Variants in TMEM14B observed in about 807,000 individuals in gnomAD.
The protein encoded by TMEM14B is transmembrane protein 14B.
A neutral mutation model predicts 14.8 loss-of-function variants in TMEM14B; 9 were observed. That is an observed-to-expected ratio of 0.61 (90% confidence interval 0.37 to 1.06). The LOEUF is 1.06. Among genes scored for constraint, TMEM14B ranks in the 50% least tolerant of loss-of-function variants. The probability of loss-of-function intolerance (pLI) is 0.01; values close to 1 mark genes in which losing one functional copy is unlikely to be tolerated. For synonymous variants in TMEM14B, 40 were observed against 51.3 expected, an observed-to-expected ratio of 0.78 and a Z score of 0.94; for missense variants, 128 against 143.6, an observed-to-expected ratio of 0.89 and a Z score of 0.56.
At chr6:10,749,140 T>C in intron 1 of TMEM14B, 62 bp from the exon 2 acceptor site, 1 of 1,177,128 alleles carries the variant, frequency 8.5e-7, no homozygotes, top group Non-Finnish European at 1.3e-6. Context: ...TTGGACACAC[T>C]TCTTTCTGAC....
intron 5 of TMEM14B, chr6:10,755,453 T>C: frequency 6.9e-7 from 1 of 1,444,218 alleles, no homozygotes; most frequent in East Asian, 2.5e-5. Context: ...TGTTCTCTGG[T>C]CCTAGCTCCT....
At chr6:10,752,202 C>T (rs1035249116) in intron 4 of TMEM14B, among the ~76,000 whole-genome samples, 1 of 151,986 alleles carries the variant, frequency 6.6e-6, no homozygotes, top group Non-Finnish European at 1.5e-5. Flanking sequence ...TGACCTCACA[C>T]CTATTGTAGA....
downstream of TMEM14B, chr6:10,757,068 A>T (rs1771833478): frequency 1.2e-6 from 1 of 863,498 alleles, no homozygotes. Flanking sequence ...TATTTTGTTG[A>T]TATTTAGAAA....
intron 4 of TMEM14B, 80 bp from the exon 5 acceptor site, chr6:10,755,062 G>T: frequency 6.8e-7 from 1 of 1,463,298 alleles, no homozygotes; most frequent in South Asian, 1.2e-5. Flanking sequence ...AGCCTTGAGA[G>T]ATTGGTGGGG....
chr6:10,753,033 G>A (rs1771653578), intron 4 of TMEM14B: 1 of 151,996 alleles, frequency 6.6e-6, no homozygotes. Context: ...GTCGGGAGTT[G>A]GAGACCAGTC....
At chr6:10,753,966 A>G (rs1307733329) in intron 4 of TMEM14B, among the ~76,000 whole-genome samples, 2 of 152,128 alleles carry the variant, frequency 1.3e-5, no homozygotes, top group Non-Finnish European at 2.9e-5. Flanking sequence ...GTATAGCTAG[A>G]ATTACGCTTT....
intron 2 of TMEM14B, 22 bp from the exon 3 acceptor site, chr6:10,749,600 C>T: frequency 6.2e-7 from 1 of 1,613,944 alleles, no homozygotes; most frequent in Non-Finnish European, 8.5e-7. Context: ...TGACTTCTCA[C>T]TGACTTCTCT....
intron 4 of TMEM14B, 134 bp from the exon 5 acceptor site, chr6:10,755,008 C>T (rs1011122656): frequency 5.4e-6 from 5 of 929,502 alleles, no homozygotes; most frequent in Middle Eastern, 3.4e-4. Flanking sequence ...AGCTAGTAAT[C>T]TCCCCTACTT....
chr6:10,755,626 A>G (rs975680716), intron 5 of TMEM14B: 66 of 1,210,518 alleles, frequency 5.5e-5, no homozygotes, highest in Non-Finnish European at 6.7e-5. Flanking sequence ...TCTAATTTTG[A>G]TTATAATACC....
chr6:10,752,377 T>C (rs1422293511), intron 4 of TMEM14B, among the ~76,000 whole-genome samples: 2 of 151,952 alleles, frequency 1.3e-5, no homozygotes, highest in East Asian at 3.9e-4. Context: ...CTGTCTTGTA[T>C]TTGTATTCCT....
At chr6:10,751,070 T>C (rs1281545198) in intron 3 of TMEM14B, 63 bp from the exon 4 acceptor site, 1 of 1,599,680 alleles carries the variant, frequency 6.3e-7, no homozygotes, top group African/African-American at 1.3e-5. Flanking sequence ...GGAGGTCTGG[T>C]GGATTCCGTT....
intron 4 of TMEM14B, chr6:10,753,056 A>G (rs1771653921): frequency 6.6e-6 from 1 of 151,984 alleles, no homozygotes; most frequent in African/African-American, 2.4e-5. Context: ...ACCAACTTGG[A>G]GAAAGCCCCA....
In TMEM14B at chr6:10,751,156, G is replaced by A. The variant is rs17849403; in HGVS notation, c.124G>A (p.Gly42Arg). Reference protein sequence around the residue: ...KTGSVPSLAAGLLFGSLAGLG... With the variant: ...KTGSVPSLAARLLFGSLAGLG... The stretch of plus-strand genomic sequence containing the variant: ...AGGCAGCGTGCCGTCCCTGGCTGCA[G>A]GGCTGCTCTTCGGCAGTCTAGCCGG... Residue 42 changes from glycine to arginine, a missense_variant, in exon 4 of 6, where the codon GGG becomes AGG. Transcript: ENST00000379542. 2 of 1,613,792 alleles carry A rather than the reference G, an allele frequency of 1.2e-6. No individual in the cohort carries two copies. Among genetic ancestry groups the A allele is most frequent in the Non-Finnish European group, 1.7e-6 (2 of 1,180,024 alleles).
chr6:10,749,655 A>G lies in TMEM14B; in HGVS notation c.57A>G (p.Thr19=). 4.3e-6 allele frequency: 7 copies of G among 1,614,250 alleles called. No homozygotes were observed. Among genetic ancestry groups the G allele is most frequent in the Non-Finnish European group, 5.9e-6 (7 of 1,180,044 alleles). Reference sequence around the variant, plus strand: ...TGCATTGGTTTGGCTTTGGCTACACAGCACTGGTTGTTTCTGGTGGGATCG... The same window carrying G: ...TGCATTGGTTTGGCTTTGGCTACACGGCACTGGTTGTTTCTGGTGGGATCG... ...VPLHWFGFGY[T]ALVVSGGIVG... is the part of the protein sequence containing the mutation. Residue 19 remains threonine, a synonymous_variant, in exon 3 of 6, where the codon ACA becomes ACG. Transcript: ENST00000379542.
downstream of TMEM14B, chr6:10,759,629 G>A (rs1225263557): frequency 6.6e-6 from 1 of 152,188 alleles, no homozygotes; most frequent in African/African-American, 2.4e-5. Flanking sequence ...AACTTGTTCT[G>A]TAAAGGGCCA....
chr6:10,759,167 T>TC, downstream of TMEM14B: 1 of 153,302 alleles, frequency 6.5e-6, no homozygotes, highest in Non-Finnish European at 1.5e-5. Flanking sequence ...TCCACCTGTC[T>TC]TGCCTCCCAA....
downstream of TMEM14B, among the ~76,000 whole-genome samples, chr6:10,757,684 T>C (rs1405020173): frequency 2.0e-5 from 3 of 152,156 alleles, no homozygotes; most frequent in Non-Finnish European, 4.4e-5. Context: ...GTTTTAGTTT[T>C]CATTCCCTCT....
chr6:10,750,235 C>T (rs892190012), intron 3 of TMEM14B, among the ~76,000 whole-genome samples: 2 of 151,734 alleles, frequency 1.3e-5, no homozygotes, highest in African/African-American at 4.9e-5. Flanking sequence ...GAGGTCCTGC[C>T]TGTACACAAT....
chr6:10,755,504 G>A, intron 5 of TMEM14B: 1 of 1,397,326 alleles, frequency 7.2e-7, no homozygotes. Flanking sequence ...AGCTATGACT[G>A]CAGCCTTTTG....
Sources: allele counts gnomAD v4.1 joint callset (sites outside exome capture counted in the v4.1 genomes callset), GRCh38; gene constraint gnomAD v4.1.1; transcripts MANE v1.5; gene names NCBI Gene and HGNC (gene_info 2026-07-23, HGNC 2026-07-21).